Variants in HNRNPK observed in about 807,000 individuals in gnomAD.
HNRNPK encodes the protein dC-stretch binding protein.
A neutral mutation model predicts 67.0 loss-of-function variants in HNRNPK; 7 were observed. The ratio of observed to expected loss-of-function variants is 0.10; its 90% CI spans 0.06 to 0.20. HNRNPK has a LOEUF of 0.20. Ranked by LOEUF, HNRNPK falls within the 10% of genes least tolerant of loss-of-function variation. HNRNPK has a pLI of 1.00. For synonymous variants in HNRNPK, 213 were observed against 193.7 expected (o/e 1.10, Z -0.83); for missense variants, 264 against 606.5 (o/e 0.44, Z 5.93).
chr9:83,970,339 G>A lies in HNRNPK; in HGVS notation c.1192-8C>T, dbSNP rs1409113272. On this transcript the variant is annotated splice_region_variant and splice_polypyrimidine_tract_variant and intron_variant, in intron 15 of 16. Transcript: ENST00000376263. ...AATAATAGATCCAGCCAACTGAAAA[G>A]ATTTTTTAAAAGTATGTGTTTACGA... 2.5e-6 allele frequency: 4 copies of A among 1,604,922 alleles called. No individual in the cohort carries two copies. The highest frequency in any genetic ancestry group is 3.4e-6 in the Non-Finnish European group (4 of 1,174,986).
chr9:83,976,741 G>C (rs1396160686), intron 5 of HNRNPK: 4 of 344,402 alleles, frequency 1.2e-5, no homozygotes, highest in Non-Finnish European at 1.6e-5. Flanking sequence ...TATCTTGCTT[G>C]ATGAAGTGAA....
At position 83,971,929 on chromosome 9, in the gene HNRNPK, G is replaced by A; in HGVS notation, c.906C>T (p.Ser302=). 3.8e-6 allele frequency: 6 copies of A among 1,584,946 alleles called. No individual in the cohort carries two copies. Among genetic ancestry groups the A allele is most frequent in the Non-Finnish European group, 4.3e-6 (5 of 1,163,548 alleles). The change falls in exon 11 of 17, where the codon AGC becomes AGT. Residue 302 remains serine, a synonymous_variant. Coordinates refer to ENST00000376263, the MANE Select transcript of HNRNPK (RefSeq NM_031263.4). Reference sequence around the variant, plus strand: ...GAGGAAGAGGAAGATTCCGAGCTCTGCTACCACCCCGGCCGCCTCGTCCGG... The same window carrying A: ...GAGGAAGAGGAAGATTCCGAGCTCTACTACCACCCCGGCCGCCTCGTCCGG... ...PPPGRGGRGG[S]RARNLPLPPP...
At chr9:83,975,656 A>G in intron 5 of HNRNPK, 151 bp from the exon 6 acceptor site, 1 of 727,100 alleles carries the variant, frequency 1.4e-6, no homozygotes, top group South Asian at 1.4e-5. Flanking sequence ...GGATGGGCCA[A>G]CGTCATGGTG....
In HNRNPK at chr9:83,970,284, G is replaced by A. The variant is rs756228889; in HGVS notation, c.1239C>T (p.Ile413=). ...TGATCGAAGCTCCCGACTCATGACG[G>A]ATTTGTTTAATCCGCTGACCACCTT... ...IGKGGQRIKQ[I]RHESGASIKI... The change falls in exon 16 of 17, where the codon ATC becomes ATT. Residue 413 remains isoleucine (I), a synonymous_variant. Transcript: ENST00000376263. 3 of 1,613,626 alleles carry A rather than the reference G, an allele frequency of 1.9e-6. No individual in the cohort carries two copies. The highest frequency in any genetic ancestry group is 2.5e-6 in the Non-Finnish European group (3 of 1,179,842).
chr9:83,971,086 T>A, intron 13 of HNRNPK, 174 bp from the exon 14 acceptor site: 1 of 732,692 alleles, frequency 1.4e-6, no homozygotes, highest in Non-Finnish European at 2.3e-6. Context: ...GGATTATGAG[T>A]GAGCACCACT....
chr9:83,972,142 A>G lies in HNRNPK; in HGVS notation c.693T>C (p.Asp231=). 6 of 1,613,434 alleles carry G rather than the reference A, an allele frequency of 3.7e-6. No individual in the cohort carries two copies. Among genetic ancestry groups the G allele is most frequent in the Non-Finnish European group, 5.1e-6 (6 of 1,179,636 alleles). The change falls in exon 11 of 17, where the codon GAT becomes GAC. Residue 231 remains aspartate (D), a synonymous_variant. Coordinates refer to ENST00000376263, the MANE Select transcript of HNRNPK (RefSeq NM_031263.4). The part of the protein sequence containing the change: ...RAQPYDPNFY[D]ETYDYGGFTM... ...TAAAACCACCATAATCATAGGTTTC[A>G]TCGTAAAAATTGGGATCATAAGGCT... is the stretch of plus-strand genomic sequence containing the variant.
At chr9:83,972,311 CAG>C in intron 10 of HNRNPK, 122 bp from the exon 11 acceptor site, 2 of 710,346 alleles carry the variant, frequency 2.8e-6, no homozygotes, top group African/African-American at 1.8e-5. Context: ...GTACTAGAGA[CAG>C]AAACAGGAAT....
Position 83,970,351 on chromosome 9 carries a change from G to A in HNRNPK, c.1192-20C>T, listed in dbSNP as rs1158760873. ...AGCCAACTGAAAAGATTTTTTAAAA[G>A]TATGTGTTTACGATATACTTTTAAC... On this transcript the variant is annotated intron_variant, in intron 15 of 16. Coordinates refer to ENST00000376263, the MANE Select transcript of HNRNPK (RefSeq NM_031263.4). The A allele has an allele frequency of 4.4e-6, 7 of 1,596,104 alleles. No homozygotes were observed. Among genetic ancestry groups the A allele is most frequent in the South Asian group, 2.2e-5 (2 of 89,980 alleles).
intron 3 of HNRNPK, 55 bp downstream of exon 3, chr9:83,978,140 A>T: frequency 6.0e-6 from 7 of 1,160,400 alleles, no homozygotes; most frequent in Non-Finnish European, 9.1e-6. Flanking sequence ...TAACAGAAAA[A>T]GGCAATTTAT....
intron 10 of HNRNPK, 146 bp from the exon 11 acceptor site, chr9:83,972,335 T>C: frequency 1.6e-6 from 1 of 626,536 alleles, no homozygotes; most frequent in Non-Finnish European, 2.7e-6. Context: ...ATGTCAACGC[T>C]AAAAGTAGCA....
In HNRNPK at chr9:83,972,987, T is replaced by TA. The variant is rs142206310; in HGVS notation, c.517-16dup. ...GTTTGAGTGTTCTGTAGTAAGATCA[T>TA]AAAAAAAAATAATAATAATTAGAAG... On this transcript the variant is annotated splice_polypyrimidine_tract_variant and intron_variant, in intron 9 of 16. Transcript: ENST00000376263. 1,506 of 1,521,856 alleles carry TA rather than the reference T, an allele frequency of 9.9e-4. 4 individuals are homozygous for TA. The highest frequency in any genetic ancestry group is 7.3e-3 in the South Asian group (586 of 80,484). 94.3% of individuals were successfully genotyped at this position (1,521,856 alleles called of 1,614,324 possible).
chr9:83,969,136 TCTG>T lies in HNRNPK; in HGVS notation c.*268_*270del, dbSNP rs926761531. 11 of 513,190 alleles carry T rather than the reference TCTG, an allele frequency of 2.1e-5. No individual in the cohort carries two copies. The highest frequency in any genetic ancestry group is 1.1e-4 in the Admixed American group (3 of 26,682). The allele number at this position is 513,190 out of a possible 1,614,324, so 31.8% of individuals were successfully genotyped here. On this transcript the variant is annotated 3_prime_UTR_variant, in exon 17 of 17. Transcript: ENST00000376263. ...ATAACGAAAAATAAAATCCACTCACTCTGCTGCTGTTTCAAAATTTCAATGTTA... is the reference window on the plus strand; with the variant it reads ...ATAACGAAAAATAAAATCCACTCACTCTGCTGTTTCAAAATTTCAATGTTA...
chr9:83,972,728 T>C (rs1224660202), intron 10 of HNRNPK, 116 bp downstream of exon 10: 8 of 689,976 alleles, frequency 1.2e-5, no homozygotes, highest in Admixed American at 2.9e-5. Flanking sequence ...TGATAGAAAA[T>C]TGCTAGGGAA....
In HNRNPK at chr9:83,971,259, CTA is replaced by C. The variant is rs758795783; in HGVS notation, c.1092+12_1092+13del. 2 of 1,539,616 alleles carry C rather than the reference CTA, an allele frequency of 1.3e-6. No individual in the cohort carries two copies. The highest frequency in any genetic ancestry group is 1.8e-4 in the Middle Eastern group (1 of 5,562). Reference sequence around the variant, plus strand: ...TTATCACTGATATACACACGAACAACTATGATACTCAACCTGTGGTTCATAAG... The same window carrying C: ...TTATCACTGATATACACACGAACAACTGATACTCAACCTGTGGTTCATAAG... On this transcript the variant is annotated intron_variant, in intron 13 of 16. Transcript: ENST00000376263.
intron 5 of HNRNPK, among the ~76,000 whole-genome samples, chr9:83,976,348 G>C (rs1957063068): frequency 6.6e-6 from 1 of 152,122 alleles, no homozygotes; most frequent in Admixed American, 6.5e-5. Flanking sequence ...TAGAAATTTT[G>C]GTGTAGCCAA....
At chr9:83,980,112 C>A (rs918177442) in intron 1 of HNRNPK, 41 bp downstream of exon 1, 25 of 152,802 alleles carry the variant, frequency 1.6e-4, no homozygotes, top group African/African-American at 6.0e-4. Context: ...TGGGCTCCGA[C>A]CCTCACCTCC....
intron 9 of HNRNPK, 93 bp from the exon 10 acceptor site, chr9:83,973,065 C>A (rs1351239824): frequency 4.5e-6 from 4 of 893,040 alleles, no homozygotes; most frequent in South Asian, 3.4e-5. Context: ...CAACAATTAA[C>A]CCCCCACAAT....
chr9:83,970,395 C>A, intron 15 of HNRNPK, 64 bp from the exon 16 acceptor site: 1 of 1,259,938 alleles, frequency 7.9e-7, no homozygotes. Flanking sequence ...CCTGTATTTT[C>A]AAGGAGCATG....
At chr9:83,977,547 G>C (rs1957127108) in intron 4 of HNRNPK, 142 bp downstream of exon 4, 1 of 573,520 alleles carries the variant, frequency 1.7e-6, no homozygotes, top group South Asian at 2.3e-5. Context: ...AAAACCACCA[G>C]AGCCTTCAAG....
Sources: gnomAD v4.1 joint callset for allele counts (sites outside exome capture counted in the v4.1 genomes callset) on GRCh38, gnomAD v4.1.1 for gene constraint, MANE v1.5 for transcripts, NCBI Gene and HGNC (gene_info 2026-07-23, HGNC 2026-07-21) for gene names.